The following KIF26B variants were observed in gnomAD, a reference collection of about 807,000 sequenced individuals.
The protein encoded by KIF26B is kinesin family member 26B, also known as kinesin-like protein KIF26B.
In KIF26B, 63 loss-of-function variants were observed where a neutral mutation model predicts 151.2. The observed-to-expected ratio is 0.42, with a 90% CI of 0.34 to 0.51. The LOEUF (loss-of-function observed/expected upper bound fraction) is 0.51, where lower values mean the gene tolerates loss of function less well. Ranked by LOEUF, KIF26B falls within the 20% of genes least tolerant of loss-of-function variation. The probability of loss-of-function intolerance (pLI) is 0.07; values close to 1 mark genes in which losing one functional copy is unlikely to be tolerated. For missense variants in KIF26B, 2,813 were observed against 2,913.6 expected (o/e 0.97, Z 0.79); for synonymous variants, 1,357 against 1,262.1 (o/e 1.08, Z -1.59).
intron 2 of KIF26B, among the ~76,000 whole-genome samples, chr1:245,343,483 G>A (rs1007800985): frequency 7.2e-5 from 11 of 151,956 alleles, no homozygotes; most frequent in Non-Finnish European, 1.2e-4. Flanking sequence ...TCAGCATAAC[G>A]AAGGCTGCTA....
chr1:245,276,630 T>G (rs988425225), intron 2 of KIF26B, among the ~76,000 whole-genome samples: 2 of 152,186 alleles, frequency 1.3e-5, no homozygotes, highest in African/African-American at 4.8e-5. Context: ...AGCGAGGAGC[T>G]GGCAGTTTCC....
intron 3 of KIF26B, among the ~76,000 whole-genome samples, chr1:245,391,851 C>T (rs767196772): frequency 6.6e-6 from 1 of 151,886 alleles, no homozygotes; most frequent in Admixed American, 6.6e-5. Context: ...TGGTGACTAT[C>T]AATAGGTATA....
At chr1:245,252,725 C>T (rs1670466826) in intron 2 of KIF26B, among the ~76,000 whole-genome samples, 2 of 151,978 alleles carry the variant, frequency 1.3e-5, no homozygotes, top group South Asian at 4.1e-4. Flanking sequence ...CCTAATTCCT[C>T]TTATTGACTT....
chr1:245,400,891 G>A (rs1673983463), intron 3 of KIF26B, among the ~76,000 whole-genome samples: 1 of 151,786 alleles, frequency 6.6e-6, no homozygotes, highest in Non-Finnish European at 1.5e-5. Context: ...TAGAAGGAAA[G>A]AAAATACATA....
At chr1:245,369,180 A>T (rs900044109) in intron 3 of KIF26B, among the ~76,000 whole-genome samples, 2 of 127,068 alleles carry the variant, frequency 1.6e-5, no homozygotes, top group East Asian at 6.5e-4. Flanking sequence ...AGAGAGAGAG[A>T]GAGAGAGAGA....
chr1:245,385,616 A>G (rs762485396), intron 3 of KIF26B, among the ~76,000 whole-genome samples: 13 of 152,214 alleles, frequency 8.5e-5, no homozygotes, highest in Non-Finnish European at 1.6e-4. Context: ...TGTCATGAGA[A>G]TGGTATTTTC....
At chr1:245,438,210 C>T (rs535223348) in intron 4 of KIF26B, among the ~76,000 whole-genome samples, 5 of 152,280 alleles carry the variant, frequency 3.3e-5, no homozygotes, top group Admixed American at 6.5e-5. Flanking sequence ...CTCCCAAAAG[C>T]GAGGAAATTA....
Position 245,561,894 on chromosome 1 carries a change from A to G in KIF26B, c.1350+20944A>G, listed in dbSNP as rs1002420248. The stretch of plus-strand genomic sequence containing the variant: ...TTCTCACTACTGACGTAAATGTCAG[A>G]GGTGGTCCTGCCTCTTCTCAGTCTC... On this transcript the variant is annotated intron_variant, in intron 5 of 14. Coordinates refer to ENST00000407071, the MANE Select transcript of KIF26B (RefSeq NM_018012.4). 2.0e-5 allele frequency among the ~76,000 whole-genome samples: 3 copies of G among 152,270 alleles called. No individual in the cohort carries two copies. The East Asian group carries it at 5.8e-4, about 29-fold the overall frequency.
At chr1:245,647,800 A>G (rs2043970500) in intron 10 of KIF26B, among the ~76,000 whole-genome samples, 1 of 152,196 alleles carries the variant, frequency 6.6e-6, no homozygotes, top group South Asian at 2.1e-4. Context: ...CAGGAGAACC[A>G]TTACTGGACT....
chr1:245,540,859 T>G lies in KIF26B; in HGVS notation c.1259T>G (p.Phe420Cys). ...AAEPPLFATS[F>C]SGILQTSPPP... ...GAACCACCGCTCTTTGCAACCAGCT[T>G]CAGTGGGATTCTGCAGACCTCCCCT... Residue 420 changes from phenylalanine (F) to cysteine (C), a missense_variant, in exon 5 of 15, where the codon TTC (phenylalanine) becomes TGC (cysteine). Transcript: ENST00000407071. This position sits in a 1 kb window ranked among gnomAD's most constrained non-coding sequence, Gnocchi z 4.6. 1 of 1,613,924 alleles carries G rather than the reference T, an allele frequency of 6.2e-7. No homozygotes were observed. The highest frequency in any genetic ancestry group is 8.5e-7 in the Non-Finnish European group (1 of 1,179,864).
At chr1:245,157,543 G>A (rs560137950) in intron 2 of KIF26B, among the ~76,000 whole-genome samples, 9 of 152,320 alleles carry the variant, frequency 5.9e-5, no homozygotes, top group Non-Finnish European at 1.3e-4. Flanking sequence ...TTTCGAGTAG[G>A]CGTTTAGGAA....
At chr1:245,269,197 C>G (rs1342388742) in intron 2 of KIF26B, among the ~76,000 whole-genome samples, 1 of 145,588 alleles carries the variant, frequency 6.9e-6, no homozygotes, top group Non-Finnish European at 1.5e-5. Flanking sequence ...GCTCCTCTCC[C>G]CCTCCTCCTC....
chr1:245,517,389 C>T (rs1328321900), intron 4 of KIF26B, among the ~76,000 whole-genome samples: 6 of 151,600 alleles, frequency 4.0e-5, no homozygotes, highest in African/African-American at 1.5e-4. Flanking sequence ...GAAATAGTTT[C>T]CAGCATTTAG....
intron 4 of KIF26B, among the ~76,000 whole-genome samples, chr1:245,521,375 G>A (rs1661105448): frequency 6.6e-6 from 1 of 151,144 alleles, no homozygotes; most frequent in Admixed American, 6.6e-5. Context: ...AGAATCTCAT[G>A]CTTCTATACA....
chr1:245,243,754 G>A (rs1670256488), intron 2 of KIF26B, among the ~76,000 whole-genome samples: 1 of 152,094 alleles, frequency 6.6e-6, no homozygotes, highest in Non-Finnish European at 1.5e-5. Context: ...GGGAGGCTGA[G>A]GCAGGAGAAT....
intron 4 of KIF26B, among the ~76,000 whole-genome samples, chr1:245,520,380 A>G (rs1031578898): frequency 2.6e-5 from 4 of 152,232 alleles, no homozygotes; most frequent in Admixed American, 2.6e-4. Context: ...AATGTGGAAC[A>G]ATTATTACAA....
chr1:245,191,695 A>G (rs144978407), intron 2 of KIF26B, among the ~76,000 whole-genome samples: 109 of 152,324 alleles, frequency 7.2e-4, no homozygotes, highest in African/African-American at 2.6e-3. Context: ...AAAAATTACA[A>G]CGAAGCATGA....
At chr1:245,259,377 G>A (rs561917379) in intron 2 of KIF26B, among the ~76,000 whole-genome samples, 2 of 152,220 alleles carry the variant, frequency 1.3e-5, no homozygotes, top group Non-Finnish European at 2.9e-5. Context: ...GAGGACTGAG[G>A]CTCCATCGCT....
chr1:245,642,972 C>G (rs2043909490), intron 9 of KIF26B, among the ~76,000 whole-genome samples: 1 of 152,200 alleles, frequency 6.6e-6, no homozygotes, highest in African/African-American at 2.4e-5. Flanking sequence ...GTACATGCCT[C>G]TCTGCGGGTC....
Sources: allele counts gnomAD v4.1 joint callset (sites outside exome capture counted in the v4.1 genomes callset), GRCh38; gene constraint gnomAD v4.1.1; non-coding constraint Gnocchi (gnomAD v3.1); transcripts MANE v1.5; gene names NCBI Gene and HGNC (gene_info 2026-07-23, HGNC 2026-07-21).